TMEM163: variants seen among roughly 807,000 people sequenced by gnomAD.
The protein encoded by TMEM163 is transmembrane protein 163.
In TMEM163, 17 loss-of-function variants were observed where a neutral mutation model predicts 29.3. The ratio of observed to expected loss-of-function variants is 0.58; its 90% CI spans 0.40 to 0.87. TMEM163 has a LOEUF of 0.87. Ranked by LOEUF, TMEM163 falls within the 40% of genes least tolerant of loss-of-function variation. TMEM163 has a pLI of 0.00. For missense variants in TMEM163, 303 were observed against 381.5 expected (o/e 0.79, Z 1.71); for synonymous variants, 157 against 160.6 (o/e 0.98, Z 0.17).
rs140873527 is a variant in TMEM163, at chr2:134,495,613, C to T, written c.555+7288G>A. On this transcript the variant is annotated intron_variant, in intron 5 of 7. Coordinates refer to ENST00000281924, the MANE Select transcript of TMEM163 (RefSeq NM_030923.5). ...AGTTCTTGGCTGGGGGCTTCCAAAT[C>T]GTTACACAAAACTCTGAGAGGCCAT... 5.3e-3 allele frequency among the ~76,000 whole-genome samples: 810 copies of T among 152,284 alleles called. 6 individuals carry two copies. The highest frequency in any genetic ancestry group is 0.019 in the African/African-American group (771 of 41,550).
intron 2 of TMEM163, among the ~76,000 whole-genome samples, chr2:134,554,048 C>T (rs1263996288): frequency 1.3e-5 from 2 of 152,156 alleles, no homozygotes; most frequent in African/African-American, 4.8e-5. Flanking sequence ...TAGCTGTGTG[C>T]TTTTTGTGGG....
chr2:134,516,755 A>C (rs1475003128), intron 4 of TMEM163, among the ~76,000 whole-genome samples: 1 of 106,818 alleles, frequency 9.4e-6, no homozygotes, highest in Non-Finnish European at 1.8e-5. Flanking sequence ...ATATATATGA[A>C]TAGATATATA....
intron 6 of TMEM163, among the ~76,000 whole-genome samples, chr2:134,459,626 C>T (rs1276916168): frequency 6.6e-6 from 1 of 152,028 alleles, no homozygotes. Flanking sequence ...ACTCACACCC[C>T]CCTTCTGCCC....
chr2:134,477,504 T>C (rs1047375997), intron 5 of TMEM163, among the ~76,000 whole-genome samples: 1 of 152,150 alleles, frequency 6.6e-6, no homozygotes, highest in African/African-American at 2.4e-5. Context: ...ATCATAGCCA[T>C]GTGGAATGGG....
chr2:134,512,583 G>A (rs990613614), intron 4 of TMEM163, among the ~76,000 whole-genome samples: 17 of 152,206 alleles, frequency 1.1e-4, no homozygotes, highest in Admixed American at 5.9e-4. Context: ...CCAAAGGCAC[G>A]CCAGAATTCA....
chr2:134,689,002 C>T (rs1336577559), intron 2 of TMEM163, among the ~76,000 whole-genome samples: 1 of 151,936 alleles, frequency 6.6e-6, no homozygotes, highest in African/African-American at 2.4e-5. Flanking sequence ...TATTTTATTA[C>T]CAAGTATAAT....
chr2:134,527,295 A>C (rs1037079637), intron 4 of TMEM163, among the ~76,000 whole-genome samples: 1 of 152,182 alleles, frequency 6.6e-6, no homozygotes, highest in Non-Finnish European at 1.5e-5. Flanking sequence ...GTTTATGTGC[A>C]TGCTTGTGTG....
At chr2:134,620,211 T>C (rs954600056) in intron 2 of TMEM163, among the ~76,000 whole-genome samples, 2 of 151,880 alleles carry the variant, frequency 1.3e-5, no homozygotes, top group Admixed American at 6.6e-5. Context: ...CCAAAAACAA[T>C]TGTTAGAAAG....
intron 2 of TMEM163, among the ~76,000 whole-genome samples, chr2:134,656,569 T>TC (rs986915980): frequency 1.1e-4 from 17 of 152,264 alleles, no homozygotes; most frequent in Admixed American, 2.6e-4. Flanking sequence ...TCTTGGCTCC[T>TC]CCCCCCGCCT....
intron 2 of TMEM163, among the ~76,000 whole-genome samples, chr2:134,606,208 C>A (rs1346085043): frequency 6.6e-6 from 1 of 151,994 alleles, no homozygotes; most frequent in Admixed American, 6.6e-5. Flanking sequence ...AACCCCCCTC[C>A]AGGGTCAACT....
chr2:134,508,716 G>A (rs548190276), intron 4 of TMEM163, among the ~76,000 whole-genome samples: 1 of 151,374 alleles, frequency 6.6e-6, no homozygotes, highest in East Asian at 1.9e-4. Context: ...TTCCCTTCAT[G>A]TTTGTACTCA....
chr2:134,637,572 G>A (rs889948036), intron 2 of TMEM163, among the ~76,000 whole-genome samples: 5 of 152,172 alleles, frequency 3.3e-5, no homozygotes, highest in African/African-American at 4.8e-5. Flanking sequence ...AACAATATCC[G>A]ATGCAGGCTG....
chr2:134,687,984 G>A (rs1370556745), intron 2 of TMEM163, among the ~76,000 whole-genome samples: 1 of 152,128 alleles, frequency 6.6e-6, no homozygotes, highest in Non-Finnish European at 1.5e-5. Flanking sequence ...AAGGGCATAG[G>A]AACCAAGGAA....
intron 2 of TMEM163, among the ~76,000 whole-genome samples, chr2:134,563,205 C>T (rs1681222181): frequency 6.6e-6 from 1 of 152,254 alleles, no homozygotes; most frequent in South Asian, 2.1e-4. Context: ...CAAGGCTCCA[C>T]TGCCAGCCAG....
chr2:134,689,683 AC>A, intron 2 of TMEM163, among the ~76,000 whole-genome samples: 1 of 152,324 alleles, frequency 6.6e-6, no homozygotes, highest in Non-Finnish European at 1.5e-5. Flanking sequence ...TCCCTAGTGC[AC>A]ATGAATGAGT....
intron 5 of TMEM163, among the ~76,000 whole-genome samples, chr2:134,484,817 A>G (rs1184586699): frequency 1.3e-5 from 2 of 152,336 alleles, no homozygotes; most frequent in Admixed American, 6.5e-5. Context: ...TAGGAAGTCC[A>G]TAAATCACGC....
chr2:134,568,137 G>T (rs16830808), intron 2 of TMEM163, among the ~76,000 whole-genome samples: 23,458 of 152,196 alleles, frequency 0.15, 4,355 homozygotes, highest in African/African-American at 0.44. Context: ...CTGATATATT[G>T]TGGGGTGCCC....
At chr2:134,596,772 G>A (rs1387699833) in intron 2 of TMEM163, among the ~76,000 whole-genome samples, 1 of 151,968 alleles carries the variant, frequency 6.6e-6, no homozygotes, top group African/African-American at 2.4e-5. Context: ...ATTTGTTCGT[G>A]TCCTCTTTTA....
intron 4 of TMEM163, among the ~76,000 whole-genome samples, chr2:134,515,044 G>T (rs1311404773): frequency 1.3e-5 from 2 of 152,230 alleles, no homozygotes; most frequent in Non-Finnish European, 2.9e-5. Context: ...CTGACAGATA[G>T]AAGATTCTTG....
Sources: gnomAD v4.1 joint callset for allele counts (sites outside exome capture counted in the v4.1 genomes callset) on GRCh38, gnomAD v4.1.1 for gene constraint, MANE v1.5 for transcripts, NCBI Gene and HGNC (gene_info 2026-07-23, HGNC 2026-07-21) for gene names.